Variants in TJP1 observed in about 807,000 individuals in gnomAD.
TJP1 encodes tight junction protein 1, also known as tight junction protein ZO-1.
Under a neutral mutation model 194.2 loss-of-function variants are expected in TJP1, and 43 were observed. The ratio of observed to expected loss-of-function variants is 0.22; its 90% confidence interval spans 0.17 to 0.29. The LOEUF is 0.29. Among genes scored for constraint, TJP1 ranks in the 10% least tolerant of loss-of-function variants. TJP1 has a pLI of 1.00. For missense variants in TJP1, 1,971 were observed against 2,185.7 expected (o/e 0.90, Z 1.96); for synonymous variants, 801 against 779.0 (o/e 1.03, Z -0.47).
intron 2 of TJP1, among the ~76,000 whole-genome samples, chr15:29,935,957 C>T (rs2054867838): frequency 6.6e-6 from 1 of 152,024 alleles, no homozygotes; most frequent in Non-Finnish European, 1.5e-5. Context: ...GCCAGGGTTC[C>T]CTCTCCTTTT....
At chr15:29,878,224 G>C (rs1320230989) in intron 2 of TJP1, among the ~76,000 whole-genome samples, 2 of 151,688 alleles carry the variant, frequency 1.3e-5, no homozygotes, top group Non-Finnish European at 1.5e-5. Flanking sequence ...TATTTTTTTT[G>C]TATTTTTAGT....
chr15:29,967,130 C>T (rs1376453431), intron 1 of TJP1, among the ~76,000 whole-genome samples: 1 of 151,960 alleles, frequency 6.6e-6, no homozygotes, highest in East Asian at 1.9e-4. Flanking sequence ...TCTCCTGCCT[C>T]AGCCTCCCAA....
At chr15:29,735,251 C>T (rs532169528) in intron 11 of TJP1, among the ~76,000 whole-genome samples, 25 of 151,034 alleles carry the variant, frequency 1.7e-4, no homozygotes, top group African/African-American at 4.6e-4. Flanking sequence ...AAACCTGACA[C>T]GCACCACTTA....
At chr15:29,954,700 A>C (rs1328032391) in intron 2 of TJP1, among the ~76,000 whole-genome samples, 1 of 152,214 alleles carries the variant, frequency 6.6e-6, no homozygotes, top group Non-Finnish European at 1.5e-5. Context: ...GAACATTTTA[A>C]GGTAAAATGC....
At chr15:29,702,637 C>A (rs2041623120) in intron 27 of TJP1, among the ~76,000 whole-genome samples, 1 of 152,068 alleles carries the variant, frequency 6.6e-6, no homozygotes, top group African/African-American at 2.4e-5. Flanking sequence ...AATCATTTGG[C>A]CAAAATGTCA....
At chr15:29,876,703 G>C (rs747985230) in intron 2 of TJP1, among the ~76,000 whole-genome samples, 7 of 152,076 alleles carry the variant, frequency 4.6e-5, no homozygotes, top group Non-Finnish European at 1.0e-4. Context: ...GGTTCATATA[G>C]AATAGTTTCT....
At chr15:29,715,926 G>A (rs2042536473) in intron 23 of TJP1, among the ~76,000 whole-genome samples, 1 of 152,168 alleles carries the variant, frequency 6.6e-6, no homozygotes, top group Non-Finnish European at 1.5e-5. Context: ...GAATCTACCT[G>A]TGTGCCCGTG....
At chr15:29,772,950 A>G (rs1335652996) in intron 3 of TJP1, among the ~76,000 whole-genome samples, 1 of 151,934 alleles carries the variant, frequency 6.6e-6, no homozygotes, top group African/African-American at 2.4e-5. Context: ...CTTCTTTTGT[A>G]GAGATGGGGA....
rs139873144 is a variant in TJP1, at chr15:29,700,227, C to T, written c.*1368G>A. 320 of 398,834 alleles carry T rather than the reference C, an allele frequency of 8.0e-4. 1 individual carries two copies. The highest frequency in any genetic ancestry group is 6.2e-3 in the African/African-American group (300 of 48,688). 24.7% of individuals were successfully genotyped at this position (398,834 alleles called of 1,614,324 possible). A position where few individuals can be genotyped will look rare whatever the true frequency, so the allele number is the denominator to read the frequency against. On this transcript the variant is annotated 3_prime_UTR_variant, in exon 28 of 28. Coordinates refer to ENST00000614355, the MANE Select transcript of TJP1 (RefSeq NM_001330239.4). ...TAACGGCAAAAGAAATTCAGTCACA[C>T]CTAATGATTAACAGAATGTAGTGGT...
Position 29,742,636 on chromosome 15 carries a change from G to A in TJP1, c.1150+6C>T. 6.4e-7 allele frequency: 1 copy of A among 1,568,354 alleles called. No individual in the cohort carries two copies. Among genetic ancestry groups the A allele is most frequent in the Non-Finnish European group, 8.6e-7 (1 of 1,161,264 alleles). On this transcript the variant is annotated splice_donor_region_variant and intron_variant, in intron 9 of 27. Transcript: ENST00000614355. ...TTTCTTGAACTTAGTGTTTCGTTAT[G>A]CTTACCTGGAAGAGAAGGTGTTTGT...
At chr15:29,764,142 G>C (rs1029692327) in intron 5 of TJP1, among the ~76,000 whole-genome samples, 3 of 152,052 alleles carry the variant, frequency 2.0e-5, no homozygotes, top group Non-Finnish European at 4.4e-5. Flanking sequence ...TGAAAAAAAG[G>C]ATGTTAGCAT....
chr15:29,811,024 G>A (rs2049461195), intron 1 of TJP1, among the ~76,000 whole-genome samples: 1 of 151,990 alleles, frequency 6.6e-6, no homozygotes, highest in Non-Finnish European at 1.5e-5. Context: ...AGTTAAATAA[G>A]TACTATGAAA....
intron 2 of TJP1, among the ~76,000 whole-genome samples, chr15:29,950,423 CCAT>C (rs1156526823): frequency 6.6e-6 from 1 of 151,700 alleles, no homozygotes; most frequent in African/African-American, 2.4e-5. Context: ...CATAAGTACA[CCAT>C]CATCACCACC....
intron 23 of TJP1, among the ~76,000 whole-genome samples, chr15:29,713,243 C>G (rs1032219585): frequency 2.6e-5 from 4 of 152,218 alleles, no homozygotes; most frequent in African/African-American, 4.8e-5. Context: ...AAGAAGTTGA[C>G]TCAATCTCTG....
intron 4 of TJP1, among the ~76,000 whole-genome samples, chr15:29,770,300 G>T (rs184197663): frequency 6.6e-6 from 1 of 151,726 alleles, no homozygotes; most frequent in African/African-American, 2.4e-5. Context: ...TACAAAATAC[G>T]GGCTTGGTAG....
In TJP1 at chr15:29,796,255, A is replaced by G. The variant is rs567883143; in HGVS notation, c.84+4391T>C. On this transcript the variant is annotated intron_variant, in intron 2 of 27. Coordinates refer to ENST00000614355, the MANE Select transcript of TJP1 (RefSeq NM_001330239.4). Reference sequence around the variant, plus strand: ...AAAACTGCCTCTATACACAGATGACATGACTGCCTACACATAGGAAAACAC... The same window carrying G: ...AAAACTGCCTCTATACACAGATGACGTGACTGCCTACACATAGGAAAACAC... 3.9e-5 allele frequency among the ~76,000 whole-genome samples: 6 copies of G among 152,144 alleles called. No homozygotes were observed. The East Asian group carries it at 9.7e-4, about 24-fold the overall frequency.
chr15:29,716,549 A>G, intron 23 of TJP1, 62 bp downstream of exon 23: 1 of 1,229,440 alleles, frequency 8.1e-7, no homozygotes, highest in East Asian at 2.3e-5. Flanking sequence ...TTCAAAATAT[A>G]TTGAACTGCA....
intron 2 of TJP1, among the ~76,000 whole-genome samples, chr15:29,879,706 CTCTT>C (rs1273323214): frequency 7.1e-6 from 1 of 141,424 alleles, no homozygotes; most frequent in South Asian, 2.4e-4. Flanking sequence ...AGCTTAGACT[CTCTT>C]TTTTTTCTTT....
At chr15:29,768,200 G>A (rs950504541) in intron 4 of TJP1, among the ~76,000 whole-genome samples, 8 of 152,166 alleles carry the variant, frequency 5.3e-5, no homozygotes, top group Non-Finnish European at 1.0e-4. Flanking sequence ...AGGAAACAAC[G>A]CTGAAGCTCA....
Sources: gnomAD v4.1 joint callset for allele counts (sites outside exome capture counted in the v4.1 genomes callset) on GRCh38, gnomAD v4.1.1 for gene constraint, MANE v1.5 for transcripts, NCBI Gene and HGNC (gene_info 2026-07-23, HGNC 2026-07-21) for gene names.